POU5F2: variants seen among roughly 807,000 people sequenced by gnomAD.
POU5F2 encodes POU domain, class 5, transcription factor 2.
For synonymous variants in POU5F2, 191 were observed against 178.7 expected, an observed-to-expected ratio of 1.07 and a Z score of -0.55; for missense variants, 401 against 426.6, an observed-to-expected ratio of 0.94 and a Z score of 0.53.
rs1241131754 is a variant in POU5F2 at position 93,740,746 on chromosome 5, G to A, written c.818C>T (p.Ser273Phe). Residue 273 changes from serine (S) to phenylalanine (F), a missense_variant, in exon 1 of 1, where the codon TCC becomes TTC. Physicochemically the swap from Ser to Phe is radical, Grantham distance 155. Transcript: ENST00000606183. Reference sequence around the variant, plus strand: ...GGCTGTCCCCACAATCTCCCGTGGGGAAGCATCATTGGTTGGTCGACTGCC... The same window carrying A: ...GGCTGTCCCCACAATCTCCCGTGGGAAAGCATCATTGGTTGGTCGACTGCC... ...KMGSRPTNDA[S>F]PREIVGTAGP... is the part of the protein sequence containing the mutation. 1 of 1,612,652 alleles carries A rather than the reference G, an allele frequency of 6.2e-7. No homozygotes were observed. The highest frequency in any genetic ancestry group is 8.5e-7 in the Non-Finnish European group (1 of 1,179,244).
Position 93,741,551 on chromosome 5 carries a change from T to G in POU5F2, c.13A>C (p.Arg5=). 1 of 1,569,748 alleles carries G rather than the reference T, an allele frequency of 6.4e-7. No homozygotes were observed. Among genetic ancestry groups the G allele is most frequent in the Non-Finnish European group, 8.6e-7 (1 of 1,158,838 alleles). MAGH[R]PSNHFCPLPG... ...AGGGGGCAGAAGTGGTTTGAGGGCC[T>G]GTGTCCGGCCATGGGTGGAATGGCA... is the stretch of plus-strand genomic sequence containing the variant. Residue 5 remains arginine, a synonymous_variant, in exon 1 of 1, where the codon AGG becomes CGG. Transcript: ENST00000606183.
Position 93,740,435 on chromosome 5 carries a change from C to T in POU5F2, c.*142G>A, listed in dbSNP as rs1010653749. On this transcript the variant is annotated 3_prime_UTR_variant, in exon 1 of 1. Coordinates refer to ENST00000606183, the MANE Select transcript of POU5F2 (RefSeq NM_153216.2). The stretch of plus-strand genomic sequence containing the variant: ...TTCTTGAACAATTCCCACCCCCATT[C>T]CCTACTATGTATCCTTAACTTCTTT... 2.3e-6 allele frequency: 2 copies of T among 867,692 alleles called. No individual in the cohort carries two copies. The highest frequency in any genetic ancestry group is 2.9e-5 in the Admixed American group (1 of 34,300). 53.7% of individuals were successfully genotyped at this position (867,692 alleles called of 1,614,324 possible).
Position 93,735,566 on chromosome 5 carries a change from T to C in POU5F2, c.*5011A>G, listed in dbSNP as rs1320365605. The C allele has an allele frequency of 6.6e-6, 1 of 152,202 alleles. No homozygotes were observed. The highest frequency in any genetic ancestry group is 1.5e-5 in the Non-Finnish European group (1 of 68,040). The allele number at this position is 152,202 out of a possible 1,614,324, so 9.4% of individuals were successfully genotyped here. ...GAGTTGTTTATTCTGGCATTCAACA[T>C]GGTCTGACTCTGCTGAAACATCTCC... On this transcript the variant is annotated 3_prime_UTR_variant, in exon 1 of 1. Transcript: ENST00000606183.
At position 93,736,200 on chromosome 5, in the gene POU5F2, A is replaced by T. The variant is rs552933259; in HGVS notation, c.*4377T>A. 1 of 152,200 alleles carries T rather than the reference A, an allele frequency of 6.6e-6. No individual in the cohort carries two copies. Among genetic ancestry groups the T allele is most frequent in the East Asian group, 1.9e-4 (1 of 5,166 alleles). 9.4% of individuals were successfully genotyped at this position (152,200 alleles called of 1,614,324 possible). A position where few individuals can be genotyped will look rare whatever the true frequency, so the allele number is the denominator to read the frequency against. On this transcript the variant is annotated 3_prime_UTR_variant, in exon 1 of 1. Coordinates refer to ENST00000606183, the MANE Select transcript of POU5F2 (RefSeq NM_153216.2). ...TTTCCAATGTGATTCTATATTCTTG[A>T]GTAAATAAACTGGGAACTCAAGCTA... is the stretch of plus-strand genomic sequence containing the variant.
In POU5F2 at chr5:93,734,137, T is replaced by C. The variant is rs1746709773; in HGVS notation, c.*6440A>G. ...ATTTCTTAGAGAATAAGAAAACTTCTAGGAAAAAGAGAAATTGTTCCTTAT... is the reference window on the plus strand; with the variant it reads ...ATTTCTTAGAGAATAAGAAAACTTCCAGGAAAAAGAGAAATTGTTCCTTAT... On this transcript the variant is annotated 3_prime_UTR_variant, in exon 1 of 1. Coordinates refer to ENST00000606183, the MANE Select transcript of POU5F2 (RefSeq NM_153216.2). 6.6e-6 allele frequency: 1 copy of C among 152,184 alleles called. No homozygotes were observed. The highest frequency in any genetic ancestry group is 2.4e-5 in the African/African-American group (1 of 41,458). The allele number at this position is 152,184 out of a possible 1,614,324, so 9.4% of individuals were successfully genotyped here.
rs1746702137 is a variant in POU5F2 at position 93,734,108 on chromosome 5, C to T, written c.*6469G>A. 2 of 152,102 alleles carry T rather than the reference C, an allele frequency of 1.3e-5. No homozygotes were observed. The highest frequency in any genetic ancestry group is 2.4e-5 in the African/African-American group (1 of 41,412). 9.4% of individuals were successfully genotyped at this position (152,102 alleles called of 1,614,324 possible). Reference sequence around the variant, plus strand: ...AATAAGGGCAGGTATCCAAACACCTCATGATTTCTTAGAGAATAAGAAAAC... The same window carrying T: ...AATAAGGGCAGGTATCCAAACACCTTATGATTTCTTAGAGAATAAGAAAAC... On this transcript the variant is annotated 3_prime_UTR_variant, in exon 1 of 1. Transcript: ENST00000606183.
At position 93,740,381 on chromosome 5, in the gene POU5F2, C is replaced by T; in HGVS notation, c.*196G>A. ...AAAACAAAGGGAAAACACAAAACTG[C>T]AATAAACTTCATCTTCTCTCCCAGG... is the stretch of plus-strand genomic sequence containing the variant. On this transcript the variant is annotated 3_prime_UTR_variant, in exon 1 of 1. Coordinates refer to ENST00000606183, the MANE Select transcript of POU5F2 (RefSeq NM_153216.2). The T allele has an allele frequency of 1.7e-6, 1 of 575,954 alleles. No individual in the cohort carries two copies. The allele number at this position is 575,954 out of a possible 1,614,324, so 35.7% of individuals were successfully genotyped here.
rs13167027 is a variant in POU5F2 at position 93,736,156 on chromosome 5, T to C, written c.*4421A>G. ...GCTGATATATACGGTTCATTTACACTTGCTTTGTGGCCATCATATTTCCAA... is the reference window on the plus strand; with the variant it reads ...GCTGATATATACGGTTCATTTACACCTGCTTTGTGGCCATCATATTTCCAA... On this transcript the variant is annotated 3_prime_UTR_variant, in exon 1 of 1. Transcript: ENST00000606183. The C allele has an allele frequency of 0.27, 41,629 of 151,980 alleles. 7,219 individuals carry two copies. The highest frequency in any genetic ancestry group is 0.48 in the African/African-American group (20,040 of 41,404). 9.4% of individuals were successfully genotyped at this position (151,980 alleles called of 1,614,324 possible). A position where few individuals can be genotyped will look rare whatever the true frequency, so the allele number is the denominator to read the frequency against.
At position 93,734,806 on chromosome 5, in the gene POU5F2, T is replaced by C. The variant is rs1447020626; in HGVS notation, c.*5771A>G. ...GAAATGATATGGCTTAGTAGATTTC[T>C]TTTTCTTTTGCTTTTTTTTTTTGAG... On this transcript the variant is annotated 3_prime_UTR_variant, in exon 1 of 1. Coordinates refer to ENST00000606183, the MANE Select transcript of POU5F2 (RefSeq NM_153216.2). The C allele has an allele frequency of 2.0e-5, 3 of 152,060 alleles. No individual in the cohort carries two copies. The highest frequency in any genetic ancestry group is 7.2e-5 in the African/African-American group (3 of 41,390). 9.4% of individuals were successfully genotyped at this position (152,060 alleles called of 1,614,324 possible).
rs1294481640 is a variant in POU5F2 at position 93,736,506 on chromosome 5, C to T, written c.*4071G>A. ...CTGGTTTAAAACTTATTTTCATCACCCCGGGTGAGTCATTTACTCTTACAC... is the reference window on the plus strand; with the variant it reads ...CTGGTTTAAAACTTATTTTCATCACTCCGGGTGAGTCATTTACTCTTACAC... On this transcript the variant is annotated 3_prime_UTR_variant, in exon 1 of 1. Coordinates refer to ENST00000606183, the MANE Select transcript of POU5F2 (RefSeq NM_153216.2). 3.9e-5 allele frequency: 6 copies of T among 152,090 alleles called. No homozygotes were observed. Among genetic ancestry groups the T allele is most frequent in the Non-Finnish European group, 5.9e-5 (4 of 68,026 alleles). The allele number at this position is 152,090 out of a possible 1,614,324, so 9.4% of individuals were successfully genotyped here. A position where few individuals can be genotyped will look rare whatever the true frequency, so the allele number is the denominator to read the frequency against.
At position 93,738,037 on chromosome 5, in the gene POU5F2, A is replaced by C. The variant is rs1320672428; in HGVS notation, c.*2540T>G. On this transcript the variant is annotated 3_prime_UTR_variant, in exon 1 of 1. Coordinates refer to ENST00000606183, the MANE Select transcript of POU5F2 (RefSeq NM_153216.2). ...AGTCAAAAGAGTAAAAGGACAACCC[A>C]CAGAATGGGAGAAAATACTTGCAAA... 5.5e-6 allele frequency: 2 copies of C among 366,336 alleles called. No individual in the cohort carries two copies. Among genetic ancestry groups the C allele is most frequent in the Non-Finnish European group, 1.1e-5 (2 of 188,776 alleles). The allele number at this position is 366,336 out of a possible 1,614,324, so 22.7% of individuals were successfully genotyped here. A position where few individuals can be genotyped will look rare whatever the true frequency, so the allele number is the denominator to read the frequency against.
At position 93,739,791 on chromosome 5, in the gene POU5F2, A is replaced by G. The variant is rs1747993935; in HGVS notation, c.*786T>C. The stretch of plus-strand genomic sequence containing the variant: ...GAGAAAGTAAGGGAAATTCCCAGGG[A>G]ACCAAATAGAGGTGAAAACAGGAGG... On this transcript the variant is annotated 3_prime_UTR_variant, in exon 1 of 1. Transcript: ENST00000606183. 1 of 152,146 alleles carries G rather than the reference A, an allele frequency of 6.6e-6. No individual in the cohort carries two copies. The highest frequency in any genetic ancestry group is 1.5e-5 in the Non-Finnish European group (1 of 68,030). The allele number at this position is 152,146 out of a possible 1,614,324, so 9.4% of individuals were successfully genotyped here. A position where few individuals can be genotyped will look rare whatever the true frequency, so the allele number is the denominator to read the frequency against.
chr5:93,740,883 T>G lies in POU5F2; in HGVS notation c.681A>C (p.Lys227Asn), dbSNP rs1216757788. The change falls in exon 1 of 1, where the codon AAA becomes AAC. Residue 227 changes from lysine (K) to asparagine (N), a missense_variant. Transcript: ENST00000606183. ...RERRIGNSLE[K>N]FFQRCPKPTP... is the part of the protein sequence containing the mutation. ...TGGGCTTAGGGCACCGCTGGAAGAA[T>G]TTCTCCAGGCTGTTTCCGATTCGTC... The G allele has an allele frequency of 6.2e-7, 1 of 1,613,982 alleles. No individual in the cohort carries two copies. Among genetic ancestry groups the G allele is most frequent in the East Asian group, 2.2e-5 (1 of 44,872 alleles).
rs147041924 is a variant in POU5F2, at chr5:93,741,204, C to T, written c.360G>A (p.Ser120=). 6.2e-7 allele frequency: 1 copy of T among 1,613,730 alleles called. No individual in the cohort carries two copies. The highest frequency in any genetic ancestry group is 8.5e-7 in the Non-Finnish European group (1 of 1,179,884). The part of the protein sequence containing the change: ...IPKLPPPEDI[S]GILKELQQLA... ...ATTGCTGCAACTCTTTCAGTATGCC[C>T]GAGATGTCCTCTGGCGGCGGCAACT... Residue 120 remains serine, a synonymous_variant, in exon 1 of 1, where the codon TCG becomes TCA. Transcript: ENST00000606183.
At position 93,739,997 on chromosome 5, in the gene POU5F2, A is replaced by G. The variant is rs1748045015; in HGVS notation, c.*580T>C. 1 of 104,428 alleles carries G rather than the reference A, an allele frequency of 9.6e-6. No individual in the cohort carries two copies. The highest frequency in any genetic ancestry group is 8.8e-5 in the Admixed American group (1 of 11,426). The allele number at this position is 104,428 out of a possible 1,614,324, so 6.5% of individuals were successfully genotyped here. ...CACCAGAAATGAAAAGGTAAATCAGAAAAAAAAAAAAAAAAAAAAATCTTC... is the reference window on the plus strand; with the variant it reads ...CACCAGAAATGAAAAGGTAAATCAGGAAAAAAAAAAAAAAAAAAAATCTTC... On this transcript the variant is annotated 3_prime_UTR_variant, in exon 1 of 1. Transcript: ENST00000606183.
rs929744707 is a variant in POU5F2, at chr5:93,734,717, A to C, written c.*5860T>G. On this transcript the variant is annotated 3_prime_UTR_variant, in exon 1 of 1. Coordinates refer to ENST00000606183, the MANE Select transcript of POU5F2 (RefSeq NM_153216.2). ...ATATGAAGACTTTGGAGTGTTTGAC[A>C]TCTGCCTTTACTAATTATGCCACTG... 2 of 152,210 alleles carry C rather than the reference A, an allele frequency of 1.3e-5. No homozygotes were observed. Among genetic ancestry groups the C allele is most frequent in the Admixed American group, 6.5e-5 (1 of 15,278 alleles). 9.4% of individuals were successfully genotyped at this position (152,210 alleles called of 1,614,324 possible).
At position 93,740,497 on chromosome 5, in the gene POU5F2, A is replaced by T; in HGVS notation, c.*80T>A. ...GAGAAATTAATACTAAAAGCCCTCA[A>T]ATGAACCCTAGGGACATTTCCTGGG... On this transcript the variant is annotated 3_prime_UTR_variant, in exon 1 of 1. Coordinates refer to ENST00000606183, the MANE Select transcript of POU5F2 (RefSeq NM_153216.2). The T allele has an allele frequency of 7.0e-7, 1 of 1,436,410 alleles. No homozygotes were observed. Among genetic ancestry groups the T allele is most frequent in the African/African-American group, 1.4e-5 (1 of 70,102 alleles). The allele number at this position is 1,436,410 out of a possible 1,614,324, so 89.0% of individuals were successfully genotyped here. A position where few individuals can be genotyped will look rare whatever the true frequency, so the allele number is the denominator to read the frequency against.
chr5:93,741,313 C>T lies in POU5F2; in HGVS notation c.251G>A (p.Gly84Glu), dbSNP rs1748405542. The T allele has an allele frequency of 1.2e-6, 2 of 1,613,332 alleles. No individual in the cohort carries two copies. The highest frequency in any genetic ancestry group is 1.1e-5 in the South Asian group (1 of 91,018). ...GWIAPCRPRL[G>E]ASEAGDWLRR... The stretch of plus-strand genomic sequence containing the variant: ...CAACCAGTCCCCTGCCTCACTAGCT[C>T]CAAGACGGGGCCTGCAGGGTGCTAT... The change falls in exon 1 of 1, where the codon GGA becomes GAA. Residue 84 changes from glycine (G) to glutamate (E), a missense_variant. Coordinates refer to ENST00000606183, the MANE Select transcript of POU5F2 (RefSeq NM_153216.2).
chr5:93,734,090 G>A lies in POU5F2; in HGVS notation c.*6487C>T, dbSNP rs1364023054. The A allele has an allele frequency of 6.6e-6, 1 of 152,134 alleles. No homozygotes were observed. The highest frequency in any genetic ancestry group is 2.4e-5 in the African/African-American group (1 of 41,422). The allele number at this position is 152,134 out of a possible 1,614,324, so 9.4% of individuals were successfully genotyped here. A position where few individuals can be genotyped will look rare whatever the true frequency, so the allele number is the denominator to read the frequency against. On this transcript the variant is annotated 3_prime_UTR_variant, in exon 1 of 1. Transcript: ENST00000606183. ...AAAAAGATCATGCTTTGAAATAAGG[G>A]CAGGTATCCAAACACCTCATGATTT... is the stretch of plus-strand genomic sequence containing the variant.
Sources: gnomAD v4.1 joint callset for allele counts on GRCh38, gnomAD v4.1.1 for gene constraint, MANE v1.5 for transcripts, NCBI Gene and HGNC (gene_info 2026-07-23, HGNC 2026-07-21) for gene names.